The following CEP170 variants were observed in gnomAD, a reference collection of about 807,000 sequenced individuals.
CEP170 encodes the protein centrosomal protein 170.
In CEP170, 21 loss-of-function variants were observed where a neutral mutation model predicts 151.9. The observed-to-expected ratio is 0.14, with a 90% CI of 0.10 to 0.20. The LOEUF (loss-of-function observed/expected upper bound fraction) is 0.20. CEP170 is among the 10% of genes least tolerant of loss of function. The pLI, the probability that CEP170 is intolerant of heterozygous loss-of-function variation, is 1.00. For synonymous variants in CEP170, 356 were observed against 648.8 expected (o/e 0.55, Z 6.86); for missense variants, 964 against 1,892.9 (o/e 0.51, Z 9.11).
chr1:243,233,742 ATATATAT>A (rs374871874), intron 1 of CEP170, among the ~76,000 whole-genome samples: 2 of 129,294 alleles, frequency 1.5e-5, no homozygotes, highest in African/African-American at 6.1e-5. Flanking sequence ...CAAAAAAAAA[ATATATAT>A]ATATATATAT....
At chr1:243,194,721 T>G (rs1040451649) in intron 7 of CEP170, among the ~76,000 whole-genome samples, 1 of 151,832 alleles carries the variant, frequency 6.6e-6, no homozygotes, top group Non-Finnish European at 1.5e-5. Context: ...ACAGAACATA[T>G]TCTGGAATTT....
At chr1:243,254,883 G>A (rs1182026639) in intron 1 of CEP170, among the ~76,000 whole-genome samples, 157 bp downstream of exon 1, 2 of 151,898 alleles carry the variant, frequency 1.3e-5, no homozygotes, top group Admixed American at 6.6e-5. Flanking sequence ...CGGAGCACCC[G>A]GGAAGCGCCC....
At chr1:243,248,324 C>T (rs1474827587) in intron 1 of CEP170, among the ~76,000 whole-genome samples, 1 of 152,206 alleles carries the variant, frequency 6.6e-6, no homozygotes, top group Non-Finnish European at 1.5e-5. Flanking sequence ...CCTCACACCC[C>T]ACTGTCCACT....
At chr1:243,150,498 T>C (rs1488499667) in intron 14 of CEP170, among the ~76,000 whole-genome samples, 5 of 152,214 alleles carry the variant, frequency 3.3e-5, no homozygotes, top group Non-Finnish European at 5.9e-5. Context: ...AAACTACTTA[T>C]ATACCACTGT....
At chr1:243,141,651 T>C (rs1458762285) in intron 15 of CEP170, among the ~76,000 whole-genome samples, 1 of 152,202 alleles carries the variant, frequency 6.6e-6, no homozygotes, top group Admixed American at 6.5e-5. Flanking sequence ...TTGTATTACA[T>C]GTTAAAGGTG....
At chr1:243,234,091 C>T (rs1289044818) in intron 1 of CEP170, among the ~76,000 whole-genome samples, 1 of 152,158 alleles carries the variant, frequency 6.6e-6, no homozygotes, top group African/African-American at 2.4e-5. Flanking sequence ...GATTCATCAC[C>T]AGATGGCTTT....
intron 1 of CEP170, among the ~76,000 whole-genome samples, chr1:243,246,129 T>C: frequency 6.6e-6 from 1 of 152,070 alleles, no homozygotes; most frequent in Non-Finnish European, 1.5e-5. Flanking sequence ...TGCATTTGTA[T>C]CTGCATTGTA....
At chr1:243,167,675 T>C (rs1225525530) in intron 12 of CEP170, among the ~76,000 whole-genome samples, 1 of 151,804 alleles carries the variant, frequency 6.6e-6, no homozygotes, top group Non-Finnish European at 1.5e-5. Context: ...TCCTAAAAGT[T>C]TAGTATTTAA....
At chr1:243,152,758 C>T (rs1282405980) in intron 14 of CEP170, among the ~76,000 whole-genome samples, 1 of 151,838 alleles carries the variant, frequency 6.6e-6, no homozygotes. Context: ...GTCTCTATCT[C>T]CTGACCTCGT....
chr1:243,189,169 T>C (rs1376916971), intron 8 of CEP170, among the ~76,000 whole-genome samples: 1 of 152,132 alleles, frequency 6.6e-6, no homozygotes, highest in Non-Finnish European at 1.5e-5. Flanking sequence ...AATACAGATA[T>C]AGTATACATG....
chr1:243,175,854 T>G (rs534844034), intron 10 of CEP170, among the ~76,000 whole-genome samples: 3 of 152,200 alleles, frequency 2.0e-5, no homozygotes, highest in East Asian at 1.9e-4. Context: ...CGGAGTGCAG[T>G]GGCGCGATCT....
intron 1 of CEP170, among the ~76,000 whole-genome samples, chr1:243,234,501 T>C (rs1253865923): frequency 6.6e-6 from 1 of 152,186 alleles, no homozygotes; most frequent in Non-Finnish European, 1.5e-5. Context: ...AAAATTGTAA[T>C]CTGAACCAGC....
At chr1:243,208,445 C>G (rs2789233) in intron 4 of CEP170, among the ~76,000 whole-genome samples, 1 of 152,212 alleles carries the variant, frequency 6.6e-6, no homozygotes, top group Non-Finnish European at 1.5e-5. Flanking sequence ...TAATGTCCTA[C>G]GAGAACTGAT....
intron 10 of CEP170, among the ~76,000 whole-genome samples, chr1:243,177,549 G>C (rs1350919295): frequency 6.6e-6 from 1 of 152,214 alleles, no homozygotes; most frequent in Non-Finnish European, 1.5e-5. Flanking sequence ...GGTAAGGAGA[G>C]CAGGGTCTCT....
chr1:243,152,222 A>AC (rs1553339315), intron 14 of CEP170, among the ~76,000 whole-genome samples: 3 of 134,314 alleles, frequency 2.2e-5, no homozygotes, highest in East Asian at 2.2e-4. Flanking sequence ...AGCCATTTTG[A>AC]TTTTTTTTTT....
At chr1:243,200,341 A>G (rs1430384001) in intron 6 of CEP170, among the ~76,000 whole-genome samples, 177 bp downstream of exon 6, 1 of 152,154 alleles carries the variant, frequency 6.6e-6, no homozygotes, top group Admixed American at 6.6e-5. Flanking sequence ...ACTGCTATAT[A>G]TAATTATGTG....
Position 243,156,160 on chromosome 1 carries a change from T to G in CEP170, c.3911+61A>C, listed in dbSNP as rs1423776826. ...AAAATCAAGTACAAGCTAAACTTTG[T>G]TACCAAGTTGTAATGTTCATAGAAA... On this transcript the variant is annotated intron_variant, in intron 14 of 19. Coordinates refer to ENST00000366542, the MANE Select transcript of CEP170 (RefSeq NM_014812.3). The G allele has an allele frequency of 4.6e-6, 7 of 1,508,798 alleles. No homozygotes were observed. The East Asian group carries it at 9.8e-5, about 21-fold the overall frequency. 93.5% of individuals were successfully genotyped at this position (1,508,798 alleles called of 1,614,324 possible). A position where few individuals can be genotyped will look rare whatever the true frequency, so the allele number is the denominator to read the frequency against.
chr1:243,215,381 C>T lies in CEP170; in HGVS notation c.196-3417G>A, dbSNP rs567097249. 4.6e-5 allele frequency among the ~76,000 whole-genome samples: 7 copies of T among 152,232 alleles called. 1 individual carries two copies. Among genetic ancestry groups the T allele is most frequent in the South Asian group, 2.1e-4 (1 of 4,822 alleles). ...AGCCATATTTCTCTTCTTTCAAAAG[C>T]GAATAGGAGAAATATCGCTGAATTC... On this transcript the variant is annotated intron_variant, in intron 3 of 19. Transcript: ENST00000366542.
At chr1:243,230,111 G>A (rs2063604541) in intron 1 of CEP170, among the ~76,000 whole-genome samples, 1 of 152,080 alleles carries the variant, frequency 6.6e-6, no homozygotes, top group Non-Finnish European at 1.5e-5. Context: ...TCCACTTTGG[G>A]AGGTGGAGGC....
Sources: gnomAD v4.1 joint callset for allele counts (sites outside exome capture counted in the v4.1 genomes callset) on GRCh38, gnomAD v4.1.1 for gene constraint, MANE v1.5 for transcripts, NCBI Gene and HGNC (gene_info 2026-07-23, HGNC 2026-07-21) for gene names.